Variants in TRPM4 observed in about 807,000 individuals in gnomAD.
The protein encoded by TRPM4 is transient receptor potential cation channel subfamily M member 4.
A neutral mutation model predicts 135.6 loss-of-function variants in TRPM4; 124 were observed. The ratio of observed to expected loss-of-function variants is 0.91; its 90% CI spans 0.79 to 1.06. The LOEUF (loss-of-function observed/expected upper bound fraction) is 1.06. Ranked by LOEUF, TRPM4 falls within the 50% of genes least tolerant of loss-of-function variation. The pLI, the probability that TRPM4 is intolerant of heterozygous loss-of-function variation, is 0.00. For missense variants in TRPM4, 1,658 were observed against 1,671.4 expected (o/e 0.99, Z 0.14); for synonymous variants, 745 against 705.6 (o/e 1.06, Z -0.88).
intron 17 of TRPM4, among the ~76,000 whole-genome samples, chr19:49,198,826 A>T (rs111971613): frequency 0.023 from 3,560 of 151,908 alleles, 146 homozygotes; most frequent in African/African-American, 0.081. Flanking sequence ...CTCAAACTCC[A>T]GGGCTCAAGC....
In TRPM4 at chr19:49,158,305, C is replaced by T. The variant is rs764807533; in HGVS notation, c.92+46C>T. Reference sequence around the variant, plus strand: ...CTGACCCCAGAGGGTCCGCGGCCCGCTGACCCCGCCCGCGGATGGTCACGC... The same window carrying T: ...CTGACCCCAGAGGGTCCGCGGCCCGTTGACCCCGCCCGCGGATGGTCACGC... On this transcript the variant is annotated intron_variant, in intron 2 of 24. Coordinates refer to ENST00000252826, the MANE Select transcript of TRPM4 (RefSeq NM_017636.4). The T allele has an allele frequency of 3.2e-6, 5 of 1,576,722 alleles. No homozygotes were observed. In the South Asian group the frequency reaches 4.4e-5, roughly 14 times the overall value.
At chr19:49,188,299 G>A (rs1968271227) in intron 12 of TRPM4, among the ~76,000 whole-genome samples, 1 of 151,758 alleles carries the variant, frequency 6.6e-6, no homozygotes, top group African/African-American at 2.4e-5. Context: ...TATCATTTTT[G>A]CAAAGGTGGT....
At chr19:49,184,674 T>C (rs749520624) in intron 12 of TRPM4, among the ~76,000 whole-genome samples, 46 of 151,962 alleles carry the variant, frequency 3.0e-4, no homozygotes, top group Middle Eastern at 3.4e-3. Flanking sequence ...AGAGACAGGG[T>C]TTCACTGTGT....
intron 16 of TRPM4, among the ~76,000 whole-genome samples, chr19:49,195,869 T>TTTATTATTATTA (rs746763684): frequency 1.5e-3 from 223 of 148,818 alleles, no homozygotes; most frequent in African/African-American, 5.3e-3. Flanking sequence ...TTTTATTTAT[T>TTTATTATTATTA]TTATTATTAT....
chr19:49,200,184 T>A (rs1968858618), intron 17 of TRPM4, 116 bp from the exon 18 acceptor site: 1 of 1,513,620 alleles, frequency 6.6e-7, no homozygotes, highest in Non-Finnish European at 9.2e-7. Context: ...ACTGGGAGGG[T>A]CCTGGTCCTG....
At chr19:49,170,249 C>T (rs1967401453) in intron 6 of TRPM4, among the ~76,000 whole-genome samples, 1 of 152,058 alleles carries the variant, frequency 6.6e-6, no homozygotes, top group Non-Finnish European at 1.5e-5. Flanking sequence ...AGTGCAGTGG[C>T]GTGATCTCAG....
In TRPM4 at chr19:49,172,192, T is replaced by C. The variant is rs972714330; in HGVS notation, c.1150+84T>C. The stretch of plus-strand genomic sequence containing the variant: ...TGGCCTGGGCACTTCATCCACCCTC[T>C]CTAATCCAAGGCCCATGCCCCCTTT... On this transcript the variant is annotated intron_variant, in intron 9 of 24. Transcript: ENST00000252826. 9 of 1,075,916 alleles carry C rather than the reference T, an allele frequency of 8.4e-6. No homozygotes were observed. The African/African-American group carries it at 1.4e-4, about 17-fold the overall frequency. 66.6% of individuals were successfully genotyped at this position (1,075,916 alleles called of 1,614,324 possible).
chr19:49,190,413 C>T, intron 15 of TRPM4, 93 bp downstream of exon 15: 1 of 1,121,240 alleles, frequency 8.9e-7, no homozygotes, highest in South Asian at 1.3e-5. Context: ...CCCTCATCGG[C>T]CCATTGTGTC....
Position 49,211,556 on chromosome 19 carries a change from G to C in TRPM4, c.*58G>C, listed in dbSNP as rs1403795243. 7 of 1,610,372 alleles carry C rather than the reference G, an allele frequency of 4.3e-6. No individual in the cohort carries two copies. Among genetic ancestry groups the C allele is most frequent in the Admixed American group, 3.3e-5 (2 of 59,998 alleles). On this transcript the variant is annotated 3_prime_UTR_variant, in exon 25 of 25. Coordinates refer to ENST00000252826, the MANE Select transcript of TRPM4 (RefSeq NM_017636.4). The surrounding 1 kb of genome is among the most constrained non-coding windows in gnomAD (Gnocchi z 4.8). ...ACAGGGGATTTTGCTCCTAGAGTAA[G>C]GCTCATCTGGGCCTCGGCCCCCGCA... is the stretch of plus-strand genomic sequence containing the variant.
Position 49,184,045 on chromosome 19 carries a change from G to C in TRPM4, c.1743+833G>C, listed in dbSNP as rs1221084470. ...CGAAGTGCTGGGATTACAGGCGTGA[G>C]CCACTGTGCTTGGCCTGTGAATTTC... On this transcript the variant is annotated intron_variant, in intron 12 of 24. Transcript: ENST00000252826. Among the ~76,000 whole-genome samples the C allele has an allele frequency of 3.3e-5, 5 of 152,292 alleles. No individual in the cohort carries two copies. In the East Asian group the frequency reaches 9.6e-4, roughly 29 times the overall value.
chr19:49,165,211 A>G (rs1042194413), intron 2 of TRPM4, among the ~76,000 whole-genome samples: 4 of 152,108 alleles, frequency 2.6e-5, no homozygotes, highest in Non-Finnish European at 5.9e-5. Context: ...AGAGGAAGAA[A>G]CAAGCCACAC....
At chr19:49,172,221 C>G in intron 9 of TRPM4, 113 bp downstream of exon 9, 1 of 851,858 alleles carries the variant, frequency 1.2e-6, no homozygotes, top group Non-Finnish European at 2.0e-6. Flanking sequence ...CCCCTTTACC[C>G]CTCTTAATAT....
intron 20 of TRPM4, among the ~76,000 whole-genome samples, chr19:49,204,127 G>C (rs578225106): frequency 5.3e-5 from 8 of 152,066 alleles, no homozygotes; most frequent in African/African-American, 1.9e-4. Context: ...CTCAAAAAAA[G>C]AAGACCACAT....
At chr19:49,169,087 C>G (rs980202032) in intron 6 of TRPM4, among the ~76,000 whole-genome samples, 3 of 150,638 alleles carry the variant, frequency 2.0e-5, no homozygotes, top group African/African-American at 4.9e-5. Flanking sequence ...GTAATCCCAG[C>G]TACTTGGGAG....
chr19:49,182,735 G>T lies in TRPM4; in HGVS notation c.1421G>T (p.Arg474Leu), dbSNP rs747037268. 4 of 1,614,024 alleles carry T rather than the reference G, an allele frequency of 2.5e-6. No homozygotes were observed. Among genetic ancestry groups the T allele is most frequent in the Middle Eastern group, 3.3e-4 (2 of 6,062 alleles). ...GCGGCGCCCTCCAACTCGCTCATCCGCAACCTTTTGGACCAGGCGTCCCAC... is the reference window on the plus strand; with the variant it reads ...GCGGCGCCCTCCAACTCGCTCATCCTCAACCTTTTGGACCAGGCGTCCCAC... The part of the protein sequence containing the change: ...YSAAPSNSLI[R>L]NLLDQASHSA... The change falls in exon 11 of 25, where the codon CGC becomes CTC. Residue 474 changes from arginine (R) to leucine (L), a missense_variant. This residue lies in a region of TRPM4 where 1,412 missense variants were observed against 1,408.7 expected (regional missense o/e 1.00). Coordinates refer to ENST00000252826, the MANE Select transcript of TRPM4 (RefSeq NM_017636.4).
At chr19:49,160,190 C>T (rs940461396) in intron 2 of TRPM4, among the ~76,000 whole-genome samples, 3 of 151,998 alleles carry the variant, frequency 2.0e-5, no homozygotes, top group Non-Finnish European at 4.4e-5. Context: ...TGGAGAGAGG[C>T]CCATGGAAAG....
intron 2 of TRPM4, among the ~76,000 whole-genome samples, chr19:49,164,364 G>GTTTTTTTTTTTTTTTTTTTTTTT (rs869232937): frequency 6.1e-5 from 1 of 16,266 alleles, no homozygotes; most frequent in Non-Finnish European, 1.0e-4. Context: ...TCTTTCCTTA[G>GTTTTTTTTTTTTTTTTTTTTTTT]TTTTTTTTTT....
chr19:49,200,497 T>A, intron 18 of TRPM4, 65 bp downstream of exon 18: 1 of 1,576,698 alleles, frequency 6.3e-7, no homozygotes, highest in Non-Finnish European at 8.6e-7. Flanking sequence ...AGGGAGGGAG[T>A]GGTCCGTGGA....
intron 9 of TRPM4, among the ~76,000 whole-genome samples, chr19:49,179,537 A>T (rs1330067200): frequency 6.6e-6 from 1 of 151,710 alleles, no homozygotes; most frequent in Non-Finnish European, 1.5e-5. Flanking sequence ...TTTAGTAGAG[A>T]TGGGGTTTCA....
Sources: gnomAD v4.1 joint callset for allele counts (sites outside exome capture counted in the v4.1 genomes callset) on GRCh38, gnomAD v4.1.1 for gene constraint, gnomAD v4.1.1 regional missense constraint, Gnocchi (gnomAD v3.1) non-coding constraint, MANE v1.5 for transcripts, NCBI Gene and HGNC (gene_info 2026-07-23, HGNC 2026-07-21) for gene names.